The following CTNNBL1 variants were observed in gnomAD, a reference collection of about 807,000 sequenced individuals.
The protein encoded by CTNNBL1 is beta-catenin-like protein 1.
In CTNNBL1, 31 loss-of-function variants were observed where a neutral mutation model predicts 72.7. The observed-to-expected ratio is 0.43, with a 90% CI of 0.32 to 0.58. CTNNBL1 has a LOEUF of 0.58. CTNNBL1 is among the 20% of genes least tolerant of loss of function. The pLI, the probability that CTNNBL1 is intolerant of heterozygous loss-of-function variation, is 0.08. For missense variants in CTNNBL1, 534 were observed against 725.1 expected (o/e 0.74, Z 3.03); for synonymous variants, 240 against 267.3 (o/e 0.90, Z 1.00).
At chr20:37,808,181 G>C (rs982856327) in intron 11 of CTNNBL1, among the ~76,000 whole-genome samples, 10 of 152,156 alleles carry the variant, frequency 6.6e-5, no homozygotes, top group African/African-American at 2.4e-4. Flanking sequence ...TTGGTAATAG[G>C]TCAGTGCTTT....
intron 13 of CTNNBL1, among the ~76,000 whole-genome samples, chr20:37,852,866 CT>C (rs1295760250): frequency 6.6e-6 from 1 of 152,154 alleles, no homozygotes; most frequent in Non-Finnish European, 1.5e-5. Context: ...AGCGAAGAAG[CT>C]GAGGCCAAGA....
chr20:37,819,603 C>T (rs552906943), intron 11 of CTNNBL1, among the ~76,000 whole-genome samples: 1 of 152,096 alleles, frequency 6.6e-6, no homozygotes, highest in African/African-American at 2.4e-5. Flanking sequence ...TCAAATAAAC[C>T]CCTTTTTAAA....
intron 4 of CTNNBL1, among the ~76,000 whole-genome samples, chr20:37,753,890 A>T (rs1259531836): frequency 4.6e-5 from 7 of 151,992 alleles, no homozygotes; most frequent in Non-Finnish European, 7.4e-5. Flanking sequence ...GGGACCATTC[A>T]GGTCACTAAA....
At chr20:37,742,355 C>T (rs2073224330) in intron 3 of CTNNBL1, among the ~76,000 whole-genome samples, 1 of 152,184 alleles carries the variant, frequency 6.6e-6, no homozygotes, top group South Asian at 2.1e-4. Flanking sequence ...CTGTGTTGGA[C>T]CAAGGCCTGC....
At chr20:37,774,844 A>C (rs564488860) in intron 7 of CTNNBL1, among the ~76,000 whole-genome samples, 1 of 152,330 alleles carries the variant, frequency 6.6e-6, no homozygotes, top group Non-Finnish European at 1.5e-5. Flanking sequence ...AGGTACTTTC[A>C]TATTATGTTT....
At chr20:37,858,642 A>G (rs1347648084) in intron 13 of CTNNBL1, among the ~76,000 whole-genome samples, 1 of 152,238 alleles carries the variant, frequency 6.6e-6, no homozygotes, top group Non-Finnish European at 1.5e-5. Flanking sequence ...GCACAACTCA[A>G]CATATAAAAG....
chr20:37,794,427 G>T (rs1159251094), intron 10 of CTNNBL1, among the ~76,000 whole-genome samples: 1 of 151,370 alleles, frequency 6.6e-6, no homozygotes, highest in African/African-American at 2.4e-5. Context: ...AGCGATTCCT[G>T]GGCCTCAGCC....
chr20:37,763,318 G>A (rs2073435129), intron 5 of CTNNBL1, among the ~76,000 whole-genome samples: 1 of 152,166 alleles, frequency 6.6e-6, no homozygotes, highest in Non-Finnish European at 1.5e-5. Flanking sequence ...TGTGAGATTT[G>A]AGAGCAAGAT....
intron 11 of CTNNBL1, among the ~76,000 whole-genome samples, chr20:37,821,897 A>C (rs2072111404): frequency 6.6e-6 from 1 of 152,204 alleles, no homozygotes; most frequent in Non-Finnish European, 1.5e-5. Flanking sequence ...ACACATAAAA[A>C]TTGCAGAATA....
intron 10 of CTNNBL1, among the ~76,000 whole-genome samples, chr20:37,785,983 A>G (rs1276549703): frequency 6.6e-6 from 1 of 152,208 alleles, no homozygotes; most frequent in African/African-American, 2.4e-5. Context: ...AAGCTCAGTA[A>G]CACTCTGGCT....
intron 15 of CTNNBL1, among the ~76,000 whole-genome samples, chr20:37,871,697 C>G (rs902737392): frequency 1.3e-5 from 2 of 151,928 alleles, no homozygotes; most frequent in African/African-American, 4.8e-5. Context: ...TACATGAGGG[C>G]GGAAGTGAAG....
At chr20:37,840,904 G>A (rs913110811) in intron 12 of CTNNBL1, among the ~76,000 whole-genome samples, 3 of 152,060 alleles carry the variant, frequency 2.0e-5, no homozygotes, top group Non-Finnish European at 4.4e-5. Flanking sequence ...TAGATGGTTC[G>A]GGCTATGGAA....
At chr20:37,860,184 G>A (rs2072479705) in intron 14 of CTNNBL1, 88 bp from the exon 15 acceptor site, 1 of 1,465,114 alleles carries the variant, frequency 6.8e-7, no homozygotes, top group Non-Finnish European at 9.6e-7. Context: ...CAGGGATGGG[G>A]TGAAGTATAT....
Position 37,860,313 on chromosome 20 carries a change from C to T in CTNNBL1, c.1572C>T (p.Ser524=), listed in dbSNP as rs1446517350. The T allele has an allele frequency of 1.2e-6, 2 of 1,614,140 alleles. No homozygotes were observed. Among genetic ancestry groups the T allele is most frequent in the South Asian group, 2.2e-5 (2 of 91,078 alleles). ...ACCAGATCCTAAACATGCGAGGAAG[C>T]TCCATCAAAATTGTCAGGCATATCA... is the stretch of plus-strand genomic sequence containing the variant. The part of the protein sequence containing the change: ...RVHQILNMRG[S]SIKIVRHIIK... The change falls in exon 15 of 16, where the codon AGC becomes AGT. Residue 524 remains serine, a synonymous_variant. Coordinates refer to ENST00000361383, the MANE Select transcript of CTNNBL1 (RefSeq NM_030877.5).
intron 11 of CTNNBL1, among the ~76,000 whole-genome samples, chr20:37,812,576 G>A (rs1600503764): frequency 1.3e-5 from 2 of 152,314 alleles, no homozygotes; most frequent in South Asian, 2.1e-4. Flanking sequence ...ATTCTAGACT[G>A]CCCTTGCAGA....
intron 13 of CTNNBL1, among the ~76,000 whole-genome samples, chr20:37,845,507 A>T (rs761553941): frequency 6.6e-6 from 1 of 152,190 alleles, no homozygotes; most frequent in Admixed American, 6.5e-5. Context: ...TTCCAAGGCC[A>T]TTAGTGCTCA....
intron 1 of CTNNBL1, among the ~76,000 whole-genome samples, chr20:37,718,452 G>A (rs541274348): frequency 3.2e-5 from 4 of 126,456 alleles, no homozygotes; most frequent in South Asian, 2.7e-4. Flanking sequence ...GTGGCTGGCC[G>A]GGCGGGGGGC....
intron 15 of CTNNBL1, among the ~76,000 whole-genome samples, chr20:37,866,438 C>T (rs949608000): frequency 2.0e-5 from 3 of 152,182 alleles, no homozygotes; most frequent in African/African-American, 7.2e-5. Flanking sequence ...CAGCTCTTCC[C>T]CTCTCCAAGC....
chr20:37,868,921 C>A (rs528947001), intron 15 of CTNNBL1, among the ~76,000 whole-genome samples: 1 of 152,088 alleles, frequency 6.6e-6, no homozygotes, highest in African/African-American at 2.4e-5. Flanking sequence ...ACCATGCCTC[C>A]GGGGATATTA....
Sources: allele counts gnomAD v4.1 joint callset (sites outside exome capture counted in the v4.1 genomes callset), GRCh38; gene constraint gnomAD v4.1.1; transcripts MANE v1.5; gene names NCBI Gene and HGNC (gene_info 2026-07-23, HGNC 2026-07-21).